The following FHOD3 variants were observed in gnomAD, a reference collection of about 807,000 sequenced individuals.
FHOD3 encodes FH1/FH2 domain-containing protein 3.
A neutral mutation model predicts 173.0 loss-of-function variants in FHOD3; 90 were observed. The ratio of observed to expected loss-of-function variants is 0.52; its 90% confidence interval spans 0.44 to 0.62. The LOEUF (loss-of-function observed/expected upper bound fraction) is 0.62, where lower values mean the gene tolerates loss of function less well. Ranked by LOEUF, FHOD3 falls within the 20% of genes least tolerant of loss-of-function variation. The pLI, the probability that FHOD3 is intolerant of heterozygous loss-of-function variation, is 0.00. For missense variants in FHOD3, 1,945 were observed against 2,034.7 expected (o/e 0.96, Z 0.85); for synonymous variants, 828 against 823.0 (o/e 1.01, Z -0.10).
intron 6 of FHOD3, among the ~76,000 whole-genome samples, chr18:36,592,676 T>C (rs61186195): frequency 0.031 from 4,683 of 152,162 alleles, 254 homozygotes; most frequent in African/African-American, 0.11. Flanking sequence ...CACTGGTGGG[T>C]GGATTTGCTG....
rs749080 is a variant in FHOD3 at position 36,581,107 on chromosome 18, C to T, written c.606+4562C>T. 9.7e-3 allele frequency among the ~76,000 whole-genome samples: 1,470 copies of T among 152,284 alleles called. 13 individuals are homozygous for T. The highest frequency in any genetic ancestry group is 0.017 in the Middle Eastern group (5 of 294). Reference sequence around the variant, plus strand: ...TAGCCAGGGGAGAAAATAATGCATTCGTAGCCAAATAATGACTTTTTAAAA... The same window carrying T: ...TAGCCAGGGGAGAAAATAATGCATTTGTAGCCAAATAATGACTTTTTAAAA... On this transcript the variant is annotated intron_variant, in intron 6 of 28. Coordinates refer to ENST00000590592, the MANE Select transcript of FHOD3 (RefSeq NM_001281740.3).
At chr18:36,464,822 TGC>T (rs1384916876) in intron 3 of FHOD3, among the ~76,000 whole-genome samples, 1 of 152,018 alleles carries the variant, frequency 6.6e-6, no homozygotes, top group African/African-American at 2.4e-5. Flanking sequence ...GCACTCTTCT[TGC>T]TCCCACCCTC....
chr18:36,492,102 T>G (rs764662488), intron 3 of FHOD3, among the ~76,000 whole-genome samples: 2 of 152,204 alleles, frequency 1.3e-5, no homozygotes, highest in South Asian at 4.1e-4. Context: ...CTGGATGATA[T>G]CTGATCCTCC....
In FHOD3 at chr18:36,594,791, G is replaced by T. The variant is rs755389941; in HGVS notation, c.611G>T (p.Arg204Leu). 2.5e-6 allele frequency: 4 copies of T among 1,612,144 alleles called. No individual in the cohort carries two copies. Among genetic ancestry groups the T allele is most frequent in the Admixed American group, 3.3e-5 (2 of 59,890 alleles). Residue 204 changes from arginine to leucine, a missense_variant, in exon 7 of 29, where the codon CGC becomes CTC. Transcript: ENST00000590592. ...WLYTLIGSKF[R>L]LVVKTALKLL... ...TGGTTTTATCTCTTCTGCCAGTTCC[G>T]CCTGGTGGTGAAGACAGCCCTGAAG...
chr18:36,730,727 G>A lies in FHOD3; in HGVS notation c.3499G>A (p.Val1167Met), dbSNP rs1343660286. Residue 1167 changes from valine to methionine, a missense_variant, in exon 20 of 29, where the codon GTG becomes ATG. This residue lies in a region of FHOD3 where 231 missense variants were observed against 321.9 expected (regional missense o/e 0.72). Coordinates refer to ENST00000590592, the MANE Select transcript of FHOD3 (RefSeq NM_001281740.3). ...RSNAINIGLTVLPPPRTIKIA... is the reference protein window; with the variant it reads ...RSNAINIGLTMLPPPRTIKIA... ...TAACGCCATCAATATTGGTCTGACG[G>A]TGCTGCCCCCTCCAAGGACGATTAA... 3 of 1,614,030 alleles carry A rather than the reference G, an allele frequency of 1.9e-6. No individual in the cohort carries two copies. Among genetic ancestry groups the A allele is most frequent in the Non-Finnish European group, 8.5e-7 (1 of 1,180,034 alleles).
intron 5 of FHOD3, among the ~76,000 whole-genome samples, chr18:36,565,679 A>G (rs1377145317): frequency 2.0e-5 from 3 of 152,164 alleles, no homozygotes; most frequent in Non-Finnish European, 4.4e-5. Flanking sequence ...AATTATTTCC[A>G]GTCACATTCT....
intron 1 of FHOD3, among the ~76,000 whole-genome samples, chr18:36,322,055 GT>G (rs2044425447): frequency 2.0e-5 from 3 of 152,204 alleles, no homozygotes; most frequent in Admixed American, 2.0e-4. Flanking sequence ...CTGGGATGGA[GT>G]GTGAGCGTGA....
chr18:36,453,540 C>T (rs1427762655), intron 3 of FHOD3, among the ~76,000 whole-genome samples: 1 of 152,270 alleles, frequency 6.6e-6, no homozygotes, highest in Non-Finnish European at 1.5e-5. Context: ...AGGCTTCAGA[C>T]CCAGTTTTTG....
At chr18:36,739,606 T>A (rs2041807150) in intron 20 of FHOD3, among the ~76,000 whole-genome samples, 1 of 152,250 alleles carries the variant, frequency 6.6e-6, no homozygotes, top group African/African-American at 2.4e-5. Context: ...ATATAGTATG[T>A]CTCTCCATGT....
intron 3 of FHOD3, among the ~76,000 whole-genome samples, chr18:36,478,267 G>A (rs867723861): frequency 2.6e-5 from 4 of 152,240 alleles, no homozygotes; most frequent in Middle Eastern, 3.4e-3. Context: ...GATGAATGTA[G>A]CACTTTTAAA....
At chr18:36,425,485 TA>T (rs1382211537) in intron 3 of FHOD3, among the ~76,000 whole-genome samples, 2 of 152,196 alleles carry the variant, frequency 1.3e-5, no homozygotes, top group African/African-American at 4.8e-5. Flanking sequence ...TAACAACCTT[TA>T]ATTCAAAGCC....
intron 5 of FHOD3, among the ~76,000 whole-genome samples, chr18:36,528,109 C>G (rs989779229): frequency 1.3e-5 from 2 of 152,162 alleles, no homozygotes; most frequent in Non-Finnish European, 2.9e-5. Context: ...CTTACAGTGC[C>G]TGGTGCATGG....
intron 19 of FHOD3, among the ~76,000 whole-genome samples, chr18:36,728,469 G>A (rs576770188): frequency 6.6e-6 from 1 of 152,302 alleles, no homozygotes; most frequent in East Asian, 1.9e-4. Flanking sequence ...AGAGTGGGGA[G>A]GCATGTATGC....
chr18:36,301,821 A>G (rs558202034), intron 1 of FHOD3, among the ~76,000 whole-genome samples: 1 of 152,352 alleles, frequency 6.6e-6, no homozygotes, highest in South Asian at 2.1e-4. Flanking sequence ...ATTTTTACAA[A>G]ACACTGGTGA....
chr18:36,510,272 A>G (rs1051030508), intron 4 of FHOD3, among the ~76,000 whole-genome samples: 4 of 152,244 alleles, frequency 2.6e-5, no homozygotes, highest in Non-Finnish European at 5.9e-5. Flanking sequence ...ATTTCATTCT[A>G]TTCTGAAACC....
chr18:36,317,368 C>G lies in FHOD3; in HGVS notation c.165+19368C>G, dbSNP rs565585810. Reference sequence around the variant, plus strand: ...GAGTAAAAGTGTTCCTATTTCTCCACATCCTCTCTAGCATCTGTTGTTTCC... The same window carrying G: ...GAGTAAAAGTGTTCCTATTTCTCCAGATCCTCTCTAGCATCTGTTGTTTCC... On this transcript the variant is annotated intron_variant, in intron 1 of 28. Coordinates refer to ENST00000590592, the MANE Select transcript of FHOD3 (RefSeq NM_001281740.3). 1.2e-3 allele frequency among the ~76,000 whole-genome samples: 179 copies of G among 152,332 alleles called. 2 individuals carry two copies. Among genetic ancestry groups the G allele is most frequent in the African/African-American group, 4.2e-3 (173 of 41,582 alleles).
chr18:36,320,436 A>G lies in FHOD3; in HGVS notation c.165+22436A>G, dbSNP rs1260289254. ...ACACCCTCCCAAGACTAAACCAGGAAGAAGTTGAATCCCTGAATAGACCAA... is the reference window on the plus strand; with the variant it reads ...ACACCCTCCCAAGACTAAACCAGGAGGAAGTTGAATCCCTGAATAGACCAA... On this transcript the variant is annotated intron_variant, in intron 1 of 28. Transcript: ENST00000590592. Among the ~76,000 whole-genome samples, 3 of 152,254 alleles carry G rather than the reference A, an allele frequency of 2.0e-5. No individual in the cohort carries two copies. In the East Asian group the frequency reaches 5.8e-4, roughly 29 times the overall value.
At chr18:36,305,141 A>T (rs1359936159) in intron 1 of FHOD3, among the ~76,000 whole-genome samples, 1 of 152,246 alleles carries the variant, frequency 6.6e-6, no homozygotes, top group East Asian at 1.9e-4. Context: ...AAAAAAAATT[A>T]TCACCAATCT....
chr18:36,687,314 G>C, intron 16 of FHOD3, 136 bp downstream of exon 16: 1 of 643,416 alleles, frequency 1.6e-6, no homozygotes, highest in Non-Finnish European at 2.7e-6. Flanking sequence ...TTGCAGAACA[G>C]AGTGTACTAG....
Sources: allele counts gnomAD v4.1 joint callset (sites outside exome capture counted in the v4.1 genomes callset), GRCh38; gene constraint gnomAD v4.1.1; regional missense constraint gnomAD v4.1.1; transcripts MANE v1.5; gene names NCBI Gene and HGNC (gene_info 2026-07-23, HGNC 2026-07-21).